Variants in RARB observed in about 807,000 individuals in gnomAD.
RARB encodes HBV-activated protein.
In RARB, 17 loss-of-function variants were observed where a neutral mutation model predicts 51.9. The ratio of observed to expected loss-of-function variants is 0.33; its 90% CI spans 0.22 to 0.49. RARB has a LOEUF of 0.49. RARB is among the 20% of genes least tolerant of loss of function. The pLI is 0.99. For missense variants in RARB, 369 were observed against 550.8 expected (o/e 0.67, Z 3.30); for synonymous variants, 215 against 195.4 (o/e 1.10, Z -0.84).
intron 2 of RARB, among the ~76,000 whole-genome samples, chr3:24,919,336 C>T (rs2125385673): frequency 6.6e-6 from 1 of 152,180 alleles, no homozygotes; most frequent in Middle Eastern, 3.4e-3. Context: ...TGAAGTTCGG[C>T]CTAAAAGTTT....
intron 5 of RARB, among the ~76,000 whole-genome samples, chr3:25,207,889 C>G (rs1026736737): frequency 1.3e-5 from 2 of 152,148 alleles, no homozygotes. Flanking sequence ...CAGTTCCAGT[C>G]CTGTAGGTTG....
intron 4 of RARB, among the ~76,000 whole-genome samples, chr3:25,139,539 GA>G (rs954182148): frequency 2.0e-5 from 3 of 151,966 alleles, no homozygotes; most frequent in African/African-American, 7.2e-5. Context: ...GAAGCTGCTG[GA>G]AAAAAAGTTT....
intron 5 of RARB, among the ~76,000 whole-genome samples, chr3:25,233,686 T>G (rs1201389665): frequency 6.6e-6 from 1 of 152,006 alleles, no homozygotes; most frequent in Non-Finnish European, 1.5e-5. Flanking sequence ...AGGGGTGTTG[T>G]TGTTGTTGTT....
intron 4 of RARB, among the ~76,000 whole-genome samples, chr3:25,154,385 A>G (rs902396867): frequency 2.0e-5 from 3 of 152,152 alleles, no homozygotes; most frequent in African/African-American, 7.2e-5. Flanking sequence ...CTTTAATCCC[A>G]TGTCCAATCT....
intron 5 of RARB, among the ~76,000 whole-genome samples, chr3:25,309,714 C>G (rs1704244195): frequency 6.6e-6 from 1 of 151,542 alleles, no homozygotes; most frequent in African/African-American, 2.4e-5. Flanking sequence ...CCAGGCTGGC[C>G]TCAAACTCCT....
intron 5 of RARB, among the ~76,000 whole-genome samples, chr3:25,356,821 A>G (rs990610660): frequency 1.3e-5 from 2 of 152,164 alleles, no homozygotes; most frequent in African/African-American, 4.8e-5. Context: ...AGCTTCATCC[A>G]TGTCCCTGCA....
intron 2 of RARB, among the ~76,000 whole-genome samples, chr3:25,488,679 A>C (rs972637051): frequency 1.3e-5 from 2 of 152,230 alleles, no homozygotes; most frequent in African/African-American, 4.8e-5. Context: ...GTAGCCACTG[A>C]GGAGAAAAAT....
At chr3:25,094,424 A>G (rs1398021205) in intron 3 of RARB, among the ~76,000 whole-genome samples, 1 of 152,126 alleles carries the variant, frequency 6.6e-6, no homozygotes, top group Non-Finnish European at 1.5e-5. Flanking sequence ...ATTTTACAAA[A>G]AGAGGACATT....
In RARB at chr3:25,507,009, C is replaced by G. The variant is rs193250456; in HGVS notation, c.448+5686C>G. 3.1e-3 allele frequency among the ~76,000 whole-genome samples: 470 copies of G among 152,374 alleles called. 1 individual carries two copies. The highest frequency in any genetic ancestry group is 0.01 in the African/African-American group (422 of 41,594). ...ATGTCATTTCCTCTTTGAAGCCTCCCCTAAGCCTCATTCCACACTCTAGGC... is the reference window on the plus strand; with the variant it reads ...ATGTCATTTCCTCTTTGAAGCCTCCGCTAAGCCTCATTCCACACTCTAGGC... On this transcript the variant is annotated intron_variant, in intron 3 of 7. Coordinates refer to ENST00000330688, the MANE Select transcript of RARB (RefSeq NM_000965.5).
chr3:25,376,090 A>G (rs1451176335), intron 5 of RARB, among the ~76,000 whole-genome samples: 1 of 152,202 alleles, frequency 6.6e-6, no homozygotes, highest in African/African-American at 2.4e-5. Context: ...TTACAGTATT[A>G]TTTTATTGCA....
intron 2 of RARB, among the ~76,000 whole-genome samples, chr3:24,936,715 C>T (rs978101114): frequency 2.0e-5 from 3 of 152,220 alleles, no homozygotes; most frequent in Non-Finnish European, 2.9e-5. Context: ...ATTTTTGGCA[C>T]TAGCCTAATC....
chr3:24,926,310 TAGGG>T (rs71849325), intron 2 of RARB, among the ~76,000 whole-genome samples: 18,615 of 151,998 alleles, frequency 0.12, 1,327 homozygotes, highest in Non-Finnish European at 0.16. Context: ...TTTAAAAATA[TAGGG>T]TACCCTGTGA....
At chr3:24,906,553 G>A (rs958793496) in intron 2 of RARB, among the ~76,000 whole-genome samples, 2 of 152,082 alleles carry the variant, frequency 1.3e-5, no homozygotes, top group African/African-American at 2.4e-5. Flanking sequence ...TATCTTTAAA[G>A]CTACGCTGGC....
intron 5 of RARB, among the ~76,000 whole-genome samples, chr3:25,363,907 G>T (rs141834136): frequency 3.3e-5 from 5 of 151,944 alleles, no homozygotes; most frequent in African/African-American, 1.2e-4. Context: ...CTCCCATCTC[G>T]GGTCCCTGGC....
intron 3 of RARB, among the ~76,000 whole-genome samples, chr3:25,088,855 T>C (rs1160287815): frequency 6.6e-6 from 1 of 152,146 alleles, no homozygotes; most frequent in Non-Finnish European, 1.5e-5. Context: ...AAAGCTCTTT[T>C]TTTAAATGGC....
chr3:25,423,180 A>C (rs968967025), intron 5 of RARB, among the ~76,000 whole-genome samples: 1 of 152,194 alleles, frequency 6.6e-6, no homozygotes, highest in Non-Finnish European at 1.5e-5. Flanking sequence ...GCGTCCATCA[A>C]ATTTTAAGAT....
At chr3:24,974,157 A>C (rs1205052272) in intron 2 of RARB, among the ~76,000 whole-genome samples, 4 of 152,108 alleles carry the variant, frequency 2.6e-5, no homozygotes, top group African/African-American at 9.7e-5. Context: ...TTTTAACATA[A>C]AGTGATGTTG....
At position 25,139,683 on chromosome 3, in the gene RARB, G is replaced by T. The variant is rs1297644980; in HGVS notation, c.-280+7475G>T. Among the ~76,000 whole-genome samples, 3 of 152,194 alleles carry T rather than the reference G, an allele frequency of 2.0e-5. No individual in the cohort carries two copies. In the East Asian group the frequency reaches 5.8e-4, roughly 29 times the overall value. ...CAGAAGACTAGGTAGGATAATTGAT[G>T]AAGGTGGCTACACTAAGCAGATTTT... is the stretch of plus-strand genomic sequence containing the variant. On this transcript the variant is annotated intron_variant, in intron 4 of 11. Transcript: ENST00000383772.
In RARB at chr3:25,396,578, A is replaced by G. The variant is rs564134445; in HGVS notation, c.179-64615A>G. Among the ~76,000 whole-genome samples, 22 of 152,246 alleles carry G rather than the reference A, an allele frequency of 1.4e-4. No individual in the cohort carries two copies. The South Asian group carries it at 4.6e-3, about 32-fold the overall frequency. Reference sequence around the variant, plus strand: ...TACCTGGATAAGTATTCAAGTTAGTAGGTAGGGCCACAGAGCTCCCAAGAG... The same window carrying G: ...TACCTGGATAAGTATTCAAGTTAGTGGGTAGGGCCACAGAGCTCCCAAGAG... On this transcript the variant is annotated intron_variant, in intron 5 of 11. Transcript: ENST00000383772.
Sources: gnomAD v4.1 joint callset for allele counts (sites outside exome capture counted in the v4.1 genomes callset) on GRCh38, gnomAD v4.1.1 for gene constraint, MANE v1.5 for transcripts, NCBI Gene and HGNC (gene_info 2026-07-23, HGNC 2026-07-21) for gene names.